POU2F1: variants seen among roughly 807,000 people sequenced by gnomAD.
POU2F1 encodes the protein POU class 2 homeobox 1, also known as POU domain, class 2, transcription factor 1.
A neutral mutation model predicts 84.9 loss-of-function variants in POU2F1; 16 were observed. The observed-to-expected ratio is 0.19, with a 90% CI of 0.13 to 0.29. The LOEUF (loss-of-function observed/expected upper bound fraction) is 0.29, where lower values mean the gene tolerates loss of function less well. Among genes scored for constraint, POU2F1 ranks in the 10% least tolerant of loss-of-function variants. POU2F1 has a pLI of 1.00. For missense variants in POU2F1, 738 were observed against 942.6 expected, an observed-to-expected ratio of 0.78 and a Z score of 2.84; for synonymous variants, 368 against 368.3, an observed-to-expected ratio of 1.00 and a Z score of 0.01.
At chr1:167,330,519 AAC>A (rs2101724563) in intron 1 of POU2F1, among the ~76,000 whole-genome samples, 1 of 152,330 alleles carries the variant, frequency 6.6e-6, no homozygotes, top group South Asian at 2.1e-4. Flanking sequence ...GAATATTTTT[AAC>A]ACATCATTTT....
rs138477802 is a variant in POU2F1 at position 167,281,666 on chromosome 1, C to T, written c.62-50804C>T. Among the ~76,000 whole-genome samples the T allele has an allele frequency of 4.0e-3, 605 of 152,244 alleles. 4 individuals carry two copies. The highest frequency in any genetic ancestry group is 0.013 in the African/African-American group (556 of 41,540). On this transcript the variant is annotated intron_variant, in intron 1 of 15. Coordinates refer to ENST00000367866, the MANE Select transcript of POU2F1 (RefSeq NM_002697.4). Reference sequence around the variant, plus strand: ...TGATTGGCCAAAACTCGGTGATTGGCGTAGGTGTAGGCTACGGTCTGGTTA... The same window carrying T: ...TGATTGGCCAAAACTCGGTGATTGGTGTAGGTGTAGGCTACGGTCTGGTTA...
intron 9 of POU2F1, among the ~76,000 whole-genome samples, chr1:167,393,038 G>A (rs1281909722): frequency 6.6e-6 from 1 of 152,098 alleles, no homozygotes; most frequent in Non-Finnish European, 1.5e-5. Flanking sequence ...GGCTGTCTTT[G>A]CATAATTAGA....
At chr1:167,391,842 A>T (rs1648435799) in intron 9 of POU2F1, among the ~76,000 whole-genome samples, 2 of 151,836 alleles carry the variant, frequency 1.3e-5, no homozygotes, top group African/African-American at 4.8e-5. Flanking sequence ...TACAGGTGTG[A>T]GCCACCAGGC....
At chr1:167,265,617 T>C (rs1651886364) in intron 1 of POU2F1, among the ~76,000 whole-genome samples, 1 of 152,146 alleles carries the variant, frequency 6.6e-6, no homozygotes, top group South Asian at 2.1e-4. Context: ...AGTAGTGAAA[T>C]GTATATATAT....
chr1:167,228,726 T>G (rs1269686369), intron 1 of POU2F1, among the ~76,000 whole-genome samples: 1 of 152,264 alleles, frequency 6.6e-6, no homozygotes, highest in African/African-American at 2.4e-5. Flanking sequence ...TCCATGCATT[T>G]GTTTTGTATT....
chr1:167,415,382 C>T, intron 15 of POU2F1, 118 bp from the exon 16 acceptor site: 1 of 1,108,158 alleles, frequency 9.0e-7, no homozygotes, highest in Non-Finnish European at 1.3e-6. Flanking sequence ...CAGTGAAGGG[C>T]TATACTTTTT....
At chr1:167,361,359 G>T (rs1265615316) in intron 2 of POU2F1, among the ~76,000 whole-genome samples, 1 of 152,126 alleles carries the variant, frequency 6.6e-6, no homozygotes, top group Non-Finnish European at 1.5e-5. Context: ...TCAATGCCTA[G>T]TTTATTAGGA....
intron 5 of POU2F1, among the ~76,000 whole-genome samples, chr1:167,373,297 T>A (rs933032527): frequency 6.6e-6 from 1 of 152,210 alleles, no homozygotes. Context: ...CTACTTTAAG[T>A]GTGTTTGAAA....
chr1:167,296,445 TTGTC>T (rs1654294460), intron 1 of POU2F1, among the ~76,000 whole-genome samples: 2 of 152,156 alleles, frequency 1.3e-5, no homozygotes, highest in Admixed American at 1.3e-4. Context: ...TAGCTCCTCA[TTGTC>T]TGAAGCAGAA....
chr1:167,257,781 T>TG (rs1387397369), intron 1 of POU2F1: 1 of 151,780 alleles, frequency 6.6e-6, no homozygotes, highest in African/African-American at 2.4e-5. Context: ...CAGGTTTTTT[T>TG]TTTTTTTTTT....
chr1:167,321,398 C>G (rs558180301), intron 1 of POU2F1, among the ~76,000 whole-genome samples: 1 of 152,272 alleles, frequency 6.6e-6, no homozygotes, highest in East Asian at 1.9e-4. Flanking sequence ...AAATCTATGA[C>G]TATTAAAGGT....
intron 1 of POU2F1, among the ~76,000 whole-genome samples, chr1:167,287,380 C>T (rs183884865): frequency 6.6e-6 from 1 of 152,296 alleles, no homozygotes; most frequent in East Asian, 1.9e-4. Context: ...GTGCTTTCAA[C>T]ACAAGCTTCT....
chr1:167,314,489 G>T (rs1297109897), intron 1 of POU2F1, among the ~76,000 whole-genome samples: 2 of 152,078 alleles, frequency 1.3e-5, no homozygotes, highest in Non-Finnish European at 2.9e-5. Context: ...CTTAAAAAAT[G>T]AAACAGTTCA....
intron 1 of POU2F1, among the ~76,000 whole-genome samples, chr1:167,284,515 C>CTAG (rs1294126490): frequency 4.6e-5 from 7 of 152,138 alleles, no homozygotes; most frequent in Non-Finnish European, 7.4e-5. Context: ...AAATCTATTT[C>CTAG]TAGTTTATTT....
chr1:167,243,904 T>C (rs2102381159), intron 1 of POU2F1, among the ~76,000 whole-genome samples: 1 of 152,340 alleles, frequency 6.6e-6, no homozygotes, highest in East Asian at 1.9e-4. Flanking sequence ...TTTCAGCACC[T>C]GTTACATAGA....
chr1:167,307,616 A>C lies in POU2F1; in HGVS notation c.62-24854A>C, dbSNP rs528015020. 3.2e-4 allele frequency among the ~76,000 whole-genome samples: 49 copies of C among 152,310 alleles called. 1 individual carries two copies. Among genetic ancestry groups the C allele is most frequent in the Non-Finnish European group, 3.5e-4 (24 of 68,020 alleles). On this transcript the variant is annotated intron_variant, in intron 1 of 15. Transcript: ENST00000367866. ...ACTCATCCTGGAACCTTTTGAGAGT[A>C]AGTTACTGACTTGATGCTCTGTCAC...
chr1:167,262,285 G>A (rs537752837), intron 1 of POU2F1, among the ~76,000 whole-genome samples: 1 of 152,224 alleles, frequency 6.6e-6, no homozygotes, highest in South Asian at 2.1e-4. Flanking sequence ...TCCCACCTCA[G>A]CCTCCCAAGT....
At chr1:167,242,960 C>T (rs939878522) in intron 1 of POU2F1, among the ~76,000 whole-genome samples, 1 of 151,942 alleles carries the variant, frequency 6.6e-6, no homozygotes, top group African/African-American at 2.4e-5. Context: ...GCCTCTCTCC[C>T]CCGCTTTCTT....
chr1:167,401,021 A>C (rs187226115), intron 12 of POU2F1, among the ~76,000 whole-genome samples: 25 of 152,296 alleles, frequency 1.6e-4, no homozygotes, highest in Middle Eastern at 3.4e-3. Flanking sequence ...TTGTTATTTC[A>C]AAACTAATCC....
Sources: allele counts gnomAD v4.1 joint callset (sites outside exome capture counted in the v4.1 genomes callset), GRCh38; gene constraint gnomAD v4.1.1; transcripts MANE v1.5; gene names NCBI Gene and HGNC (gene_info 2026-07-23, HGNC 2026-07-21).